ZNF558: variants seen among roughly 807,000 people sequenced by gnomAD.
ZNF558 encodes the protein zinc finger protein 558.
A neutral mutation model predicts 37.6 loss-of-function variants in ZNF558; 23 were observed. That is an observed-to-expected ratio of 0.61 (90% CI 0.44 to 0.87). The LOEUF is 0.87. Among genes scored for constraint, ZNF558 ranks in the 40% least tolerant of loss-of-function variants. The probability of loss-of-function intolerance (pLI) is 0.00; values close to 1 mark genes in which losing one functional copy is unlikely to be tolerated. For synonymous variants in ZNF558, 189 were observed against 174.4 expected (o/e 1.08, Z -0.66); for missense variants, 429 against 483.7 (o/e 0.89, Z 1.06).
chr19:8,832,058 A>C (rs1228263881), intron 1 of ZNF558, 151 bp downstream of exon 1: 2 of 152,278 alleles, frequency 1.3e-5, no homozygotes, highest in Admixed American at 1.3e-4. Context: ...ACCCAGGAGC[A>C]AGCAGCAGCT....
intron 7 of ZNF558, among the ~76,000 whole-genome samples, chr19:8,815,134 G>T (rs1555769882): frequency 6.6e-6 from 1 of 152,124 alleles, no homozygotes; most frequent in African/African-American, 2.4e-5. Flanking sequence ...GAAGCTGGTA[G>T]AAATTGTCCC....
chr19:8,834,162 T>A (rs1599306752), upstream of ZNF558, among the ~76,000 whole-genome samples: 8 of 152,252 alleles, frequency 5.3e-5, 1 homozygote, highest in Admixed American at 1.3e-4. Flanking sequence ...AATAGTTAGA[T>A]CTCTGCTTCC....
rs1357403175 is a variant in ZNF558, at chr19:8,807,881, T to C, written c.*3400A>G. ...CTCCGTTAATAGGGTAGTGGTTAAG[T>C]GCATGGACTGTCTGGGTTCAGATCT... On this transcript the variant is annotated 3_prime_UTR_variant, in exon 10 of 10. Coordinates refer to ENST00000601372, the MANE Select transcript of ZNF558 (RefSeq NM_144693.3). 2.0e-5 allele frequency: 3 copies of C among 152,188 alleles called. No homozygotes were observed. The highest frequency in any genetic ancestry group is 6.5e-5 in the Admixed American group (1 of 15,278). The allele number at this position is 152,188 out of a possible 1,614,324, so 9.4% of individuals were successfully genotyped here. A position where few individuals can be genotyped will look rare whatever the true frequency, so the allele number is the denominator to read the frequency against.
rs1324152683 is a variant in ZNF558 at position 8,808,789 on chromosome 19, T to C, written c.*2492A>G. The C allele has an allele frequency of 6.6e-6, 1 of 152,048 alleles. No homozygotes were observed. 9.4% of individuals were successfully genotyped at this position (152,048 alleles called of 1,614,324 possible). ...GTTTCTTTTTTTAAAAATATTTATTTGTTTATTTTGAGATGGAGTCTCGCT... is the reference window on the plus strand; with the variant it reads ...GTTTCTTTTTTTAAAAATATTTATTCGTTTATTTTGAGATGGAGTCTCGCT... On this transcript the variant is annotated 3_prime_UTR_variant, in exon 10 of 10. Transcript: ENST00000601372.
chr19:8,813,347 CTTAA>C (rs1313444166), intron 7 of ZNF558, 125 bp from the exon 8 acceptor site: 8 of 709,102 alleles, frequency 1.1e-5, no homozygotes, highest in East Asian at 1.1e-4. Flanking sequence ...TAAATTATGC[CTTAA>C]TTCTTTTCTT....
intron 8 of ZNF558, among the ~76,000 whole-genome samples, 195 bp from the exon 9 acceptor site, chr19:8,812,838 AG>A (rs1250329839): frequency 6.6e-6 from 1 of 152,222 alleles, no homozygotes; most frequent in Non-Finnish European, 1.5e-5. Flanking sequence ...GATTGACAAG[AG>A]GAGTGATCAG....
chr19:8,811,560 G>A lies in ZNF558; in HGVS notation c.930C>T (p.His310=), dbSNP rs115410276. The A allele has an allele frequency of 8.2e-4, 1,327 of 1,614,040 alleles. 20 individuals carry two copies. The African/African-American group carries it at 8.5e-3, about 10-fold the overall frequency. ...TFRKSSYLTQ[H]VRTHTGEKPY... is the part of the protein sequence containing the mutation. ...GTTTTTCTCCAGTATGAGTTCTTAC[G>A]TGCTGTGTCAGATAGGAGCTCTTCC... Residue 310 remains histidine (H), a synonymous_variant, in exon 10 of 10, where the codon CAC becomes CAT. Coordinates refer to ENST00000601372, the MANE Select transcript of ZNF558 (RefSeq NM_144693.3).
rs2043723739 is a variant in ZNF558, at chr19:8,808,682, T to G, written c.*2599A>C. The G allele has an allele frequency of 6.6e-6, 1 of 152,262 alleles. No homozygotes were observed. Among genetic ancestry groups the G allele is most frequent in the African/African-American group, 2.4e-5 (1 of 41,470 alleles). The allele number at this position is 152,262 out of a possible 1,614,324, so 9.4% of individuals were successfully genotyped here. On this transcript the variant is annotated 3_prime_UTR_variant, in exon 10 of 10. Coordinates refer to ENST00000601372, the MANE Select transcript of ZNF558 (RefSeq NM_144693.3). ...TTGACCAATTTATAGGTTTACCAGTTAGATTCTGCATCCTGCTGGAAGTTA... is the reference window on the plus strand; with the variant it reads ...TTGACCAATTTATAGGTTTACCAGTGAGATTCTGCATCCTGCTGGAAGTTA...
At position 8,811,743 on chromosome 19, in the gene ZNF558, A is replaced by G; in HGVS notation, c.747T>C (p.Cys249=). The change falls in exon 10 of 10, where the codon TGT becomes TGC. Residue 249 remains cysteine (C), a synonymous_variant. Transcript: ENST00000601372. Reference sequence around the variant, plus strand: ...GAATCCTCTTGTGGCTTTTGAGGTTACAACTGGTGCGGAAAACGTGAAAAC... The same window carrying G: ...GAATCCTCTTGTGGCTTTTGAGGTTGCAACTGGTGCGGAAAACGTGAAAAC... ...NQCFHVFRTS[C]NLKSHKRIHT... The G allele has an allele frequency of 1.9e-6, 3 of 1,613,986 alleles. No individual in the cohort carries two copies. Among genetic ancestry groups the G allele is most frequent in the Non-Finnish European group, 2.5e-6 (3 of 1,179,990 alleles).
Position 8,812,608 on chromosome 19 carries a change from G to C in ZNF558, c.379C>G (p.Pro127Ala), listed in dbSNP as rs200503722. 4.6e-5 allele frequency: 73 copies of C among 1,604,080 alleles called. No homozygotes were observed. In the East Asian group the frequency reaches 1.6e-3, roughly 35 times the overall value. ...ETLLKAKWLT[P>A]KKNVFRKEQS... ...TCTTTTCTGAAAACATTCTTCTTAG[G>C]AGTTAACCATTTGGCTTTAAGTAGA... Residue 127 changes from proline to alanine, a missense_variant, in exon 9 of 10, where the codon CCT becomes GCT. Pro to Ala is a conservative substitution (Grantham distance 27). Coordinates refer to ENST00000601372, the MANE Select transcript of ZNF558 (RefSeq NM_144693.3).
rs753657212 is a variant in ZNF558 at position 8,821,184 on chromosome 19, T to G, written c.243A>C (p.Ser81=). The stretch of plus-strand genomic sequence containing the variant: ...CAGGAATGACATTAGGCTTACCTAG[T>G]GAGGCCAGGTTCCTGCAGTTCTCCA... The part of the protein sequence containing the change: ...VMLENCRNLA[S]LGCRVNKPSL... Residue 81 remains serine (S), a synonymous_variant, in exon 7 of 10, where the codon TCA becomes TCC. Coordinates refer to ENST00000601372, the MANE Select transcript of ZNF558 (RefSeq NM_144693.3). 1 of 1,613,878 alleles carries G rather than the reference T, an allele frequency of 6.2e-7. No individual in the cohort carries two copies. Among genetic ancestry groups the G allele is most frequent in the South Asian group, 1.1e-5 (1 of 91,076 alleles).
At chr19:8,836,146 G>C (rs1278582404), upstream of ZNF558, among the ~76,000 whole-genome samples, 1 of 152,106 alleles carries the variant, frequency 6.6e-6, no homozygotes, top group Admixed American at 6.6e-5. Context: ...ACTTTAAAAG[G>C]TTGAATATTA....
intron 1 of ZNF558, 30 bp from the exon 2 acceptor site, chr19:8,831,431 C>G (rs1204313597): frequency 6.6e-6 from 1 of 150,664 alleles, no homozygotes; most frequent in African/African-American, 2.4e-5. Flanking sequence ...ACAAAGATTT[C>G]TTTCGAGGCT....
At position 8,824,395 on chromosome 19, in the gene ZNF558, C is replaced by G. The variant is rs2044182676; in HGVS notation, c.-379G>C. The G allele has an allele frequency of 6.6e-6, 1 of 152,278 alleles. No individual in the cohort carries two copies. The highest frequency in any genetic ancestry group is 1.5e-5 in the Non-Finnish European group (1 of 68,112). The allele number at this position is 152,278 out of a possible 1,614,324, so 9.4% of individuals were successfully genotyped here. A position where few individuals can be genotyped will look rare whatever the true frequency, so the allele number is the denominator to read the frequency against. On this transcript the variant is annotated 5_prime_UTR_variant, in exon 4 of 10. Transcript: ENST00000601372. ...TCTGCAAGTTTCCAGCCAGAGCCTT[C>G]CAGCCAAGCTGCTCCTGAATTCCTG...
At position 8,808,590 on chromosome 19, in the gene ZNF558, T is replaced by C. The variant is rs2043722766; in HGVS notation, c.*2691A>G. On this transcript the variant is annotated 3_prime_UTR_variant, in exon 10 of 10. Transcript: ENST00000601372. ...GAAATACAATTAAGTTGCATTAATG[T>C]TCATATACCCTATATCCAAATATTA... 6.6e-6 allele frequency: 1 copy of C among 152,198 alleles called. No individual in the cohort carries two copies. The highest frequency in any genetic ancestry group is 1.5e-5 in the Non-Finnish European group (1 of 68,036). 9.4% of individuals were successfully genotyped at this position (152,198 alleles called of 1,614,324 possible).
At chr19:8,825,584 C>T (rs1209637245) in intron 2 of ZNF558, among the ~76,000 whole-genome samples, 1 of 150,822 alleles carries the variant, frequency 6.6e-6, no homozygotes, top group Non-Finnish European at 1.5e-5. Context: ...CCTCCTTTCT[C>T]CAGATTTATA....
Position 8,812,440 on chromosome 19 carries a change from C to T in ZNF558, c.426+121G>A, listed in dbSNP as rs148505666. 1,617 of 607,208 alleles carry T rather than the reference C, an allele frequency of 2.7e-3. 3 individuals carry two copies. The highest frequency in any genetic ancestry group is 4.2e-3 in the Middle Eastern group (15 of 3,534). 37.6% of individuals were successfully genotyped at this position (607,208 alleles called of 1,614,324 possible). On this transcript the variant is annotated intron_variant, in intron 9 of 9. Transcript: ENST00000601372. ...TTTTCACAGTGTCTCTCCAGGAACA[C>T]AGCATTCTCAATTATAAATGACACT...
chr19:8,817,637 C>T (rs545440273), intron 7 of ZNF558, among the ~76,000 whole-genome samples: 1 of 151,892 alleles, frequency 6.6e-6, no homozygotes, highest in Non-Finnish European at 1.5e-5. Context: ...AGCATGTGTA[C>T]ATACTGTCTA....
chr19:8,812,140 C>T (rs1555768478), intron 9 of ZNF558, 77 bp from the exon 10 acceptor site: 1 of 1,262,900 alleles, frequency 7.9e-7, no homozygotes, highest in East Asian at 2.7e-5. Flanking sequence ...AATCTTCTCT[C>T]CCAGGAATTC....
Sources: gnomAD v4.1 joint callset for allele counts (sites outside exome capture counted in the v4.1 genomes callset) on GRCh38, gnomAD v4.1.1 for gene constraint, MANE v1.5 for transcripts, NCBI Gene and HGNC (gene_info 2026-07-23, HGNC 2026-07-21) for gene names.